The following LARP4 variants were observed in gnomAD, a reference collection of about 807,000 sequenced individuals.
LARP4 encodes the protein la-related protein 4.
LARP4 carries 29 observed loss-of-function variants against 92.9 expected under a neutral mutation model. The observed-to-expected ratio is 0.31, with a 90% CI of 0.23 to 0.43. The LOEUF (loss-of-function observed/expected upper bound fraction) is 0.43. Ranked by LOEUF, LARP4 falls within the 20% of genes least tolerant of loss-of-function variation. The pLI is 1.00. For synonymous variants in LARP4, 279 were observed against 284.1 expected, an observed-to-expected ratio of 0.98 and a Z score of 0.18; for missense variants, 732 against 860.0, an observed-to-expected ratio of 0.85 and a Z score of 1.86.
chr12:50,449,912 C>T (rs1261864024), intron 8 of LARP4, among the ~76,000 whole-genome samples: 8 of 140,628 alleles, frequency 5.7e-5, no homozygotes, highest in Admixed American at 2.2e-4. Flanking sequence ...TTTTGTTATA[C>T]AGCCATAGCA....
At chr12:50,404,606 G>A (rs114135086) in intron 1 of LARP4, among the ~76,000 whole-genome samples, 1,548 of 151,502 alleles carry the variant, frequency 0.01, 25 homozygotes, top group African/African-American at 0.035. Context: ...TTGAGACCGA[G>A]TCTCGCTCTG....
intron 15 of LARP4, among the ~76,000 whole-genome samples, chr12:50,474,386 C>T (rs532295125): frequency 1.3e-5 from 2 of 152,126 alleles, no homozygotes; most frequent in East Asian, 3.9e-4. Context: ...TTCACTCTGT[C>T]GCCCAGGCTG....
intron 4 of LARP4, among the ~76,000 whole-genome samples, chr12:50,431,714 T>G (rs1949684830): frequency 6.6e-6 from 1 of 151,870 alleles, no homozygotes; most frequent in Admixed American, 6.6e-5. Flanking sequence ...GGTGTGGTGG[T>G]GGGCGCCTGT....
intron 6 of LARP4, among the ~76,000 whole-genome samples, chr12:50,438,187 A>G (rs1218684873): frequency 6.6e-6 from 1 of 152,208 alleles, no homozygotes; most frequent in Non-Finnish European, 1.5e-5. Flanking sequence ...ATGAAAAACT[A>G]GATTTTGATT....
intron 7 of LARP4, among the ~76,000 whole-genome samples, chr12:50,440,945 G>A (rs1200827794): frequency 6.0e-5 from 9 of 150,104 alleles, no homozygotes; most frequent in Non-Finnish European, 1.0e-4. Flanking sequence ...GTGCAGTGGC[G>A]CAATCTCGGC....
At chr12:50,404,907 C>T (rs760050588) in intron 1 of LARP4, among the ~76,000 whole-genome samples, 1 of 151,930 alleles carries the variant, frequency 6.6e-6, no homozygotes, top group Non-Finnish European at 1.5e-5. Flanking sequence ...CCAGGATGGT[C>T]TCGGTCTCTT....
intron 10 of LARP4, among the ~76,000 whole-genome samples, chr12:50,458,730 T>C (rs917277868): frequency 6.6e-6 from 1 of 152,240 alleles, no homozygotes; most frequent in Non-Finnish European, 1.5e-5. Context: ...GTGTTTTTGC[T>C]ACTGATTAAA....
chr12:50,444,180 A>G (rs1449022396), intron 8 of LARP4, among the ~76,000 whole-genome samples: 1 of 151,858 alleles, frequency 6.6e-6, no homozygotes, highest in Non-Finnish European at 1.5e-5. Flanking sequence ...ACTATTATGT[A>G]TTTCATTGTT....
In LARP4 at chr12:50,427,812, A is replaced by G. The variant is rs564064932; in HGVS notation, c.69A>G (p.Gln23=). ...TGLNPNAKVW[Q]EIAPGNTDAT... Reference sequence around the variant, plus strand: ...TAAATCCTAATGCCAAAGTATGGCAAGAAATTGCTCCTGGAAATACTGATG... The same window carrying G: ...TAAATCCTAATGCCAAAGTATGGCAGGAAATTGCTCCTGGAAATACTGATG... Residue 23 remains glutamine (Q), a synonymous_variant, in exon 2 of 16, where the codon CAA becomes CAG. Transcript: ENST00000398473. The G allele has an allele frequency of 6.2e-7, 1 of 1,600,412 alleles. No homozygotes were observed. The highest frequency in any genetic ancestry group is 8.5e-7 in the Non-Finnish European group (1 of 1,170,768).
intron 8 of LARP4, among the ~76,000 whole-genome samples, chr12:50,448,331 T>C (rs1952570896): frequency 6.6e-6 from 1 of 152,230 alleles, no homozygotes; most frequent in Admixed American, 6.5e-5. Context: ...CACTGCCATC[T>C]ATCTCCAGAA....
rs1954273588 is a variant in LARP4, at chr12:50,456,510, T to C, written c.1121+2093T>C. On this transcript the variant is annotated intron_variant, in intron 10 of 15. Transcript: ENST00000398473. ...AGGCATTTATTATTATTATTAATGT[T>C]AACAGCTAAGGACAAAGTCTTTTTT... 2.0e-5 allele frequency among the ~76,000 whole-genome samples: 3 copies of C among 152,202 alleles called. No individual in the cohort carries two copies. In the South Asian group the frequency reaches 6.2e-4, roughly 31 times the overall value.
At chr12:50,402,121 G>A (rs1332751651) in intron 1 of LARP4, among the ~76,000 whole-genome samples, 1 of 152,076 alleles carries the variant, frequency 6.6e-6, no homozygotes, top group Non-Finnish European at 1.5e-5. Context: ...GCCTATGGCA[G>A]ATTTTTTTTT....
chr12:50,430,492 C>A lies in LARP4; in HGVS notation c.323-3C>A. On this transcript the variant is annotated splice_polypyrimidine_tract_variant and splice_region_variant and intron_variant, in intron 3 of 15. Transcript: ENST00000398473. ...TTTTTTCCCTCTTCTTTTCTACCAT[C>A]AGGAGAAAGCAATTCAGCAGTTTCT... The A allele has an allele frequency of 6.4e-7, 1 of 1,571,308 alleles. No homozygotes were observed. The highest frequency in any genetic ancestry group is 1.7e-5 in the Admixed American group (1 of 57,482).
At chr12:50,467,414 C>T (rs1956287429) in intron 13 of LARP4, among the ~76,000 whole-genome samples, 1 of 151,936 alleles carries the variant, frequency 6.6e-6, no homozygotes, top group Non-Finnish European at 1.5e-5. Flanking sequence ...CCTCAGCCTC[C>T]CAAGTAGCTG....
rs527672476 is a variant in LARP4 at position 50,413,624 on chromosome 12, A to G, written c.18+12596A>G. 6.6e-5 allele frequency among the ~76,000 whole-genome samples: 10 copies of G among 152,280 alleles called. No individual in the cohort carries two copies. In the East Asian group the frequency reaches 9.7e-4, roughly 15 times the overall value. ...CACACCTAGGCTATATGGTATGGCT[A>G]TTATAATCTTATGGGACCACTGTTG... On this transcript the variant is annotated intron_variant, in intron 1 of 15. Transcript: ENST00000398473.
At position 50,431,706 on chromosome 12, in the gene LARP4, TGTG is replaced by T. The variant is rs376313335; in HGVS notation, c.398+1144_398+1146del. On this transcript the variant is annotated intron_variant, in intron 4 of 15. Transcript: ENST00000398473. Reference sequence around the variant, plus strand: ...ATAAAAAATACAAAAATTAGCCAGGTGTGGTGGTGGGCGCCTGTAATCCCAGCT... The same window carrying T: ...ATAAAAAATACAAAAATTAGCCAGGTGTGGTGGGCGCCTGTAATCCCAGCT... Among the ~76,000 whole-genome samples, 819 of 151,534 alleles carry T rather than the reference TGTG, an allele frequency of 5.4e-3. 9 individuals are homozygous for T. The highest frequency in any genetic ancestry group is 0.019 in the African/African-American group (781 of 41,330).
At position 50,432,552 on chromosome 12, in the gene LARP4, A is replaced by T. The variant is rs547291638; in HGVS notation, c.398+1982A>T. Among the ~76,000 whole-genome samples, 10 of 152,100 alleles carry T rather than the reference A, an allele frequency of 6.6e-5. No individual in the cohort carries two copies. In the East Asian group the frequency reaches 1.9e-3, roughly 29 times the overall value. The stretch of plus-strand genomic sequence containing the variant: ...TTAGCTCTTTAACTTCCTACCCCAT[A>T]CTGCTTGAAAATCTGGCAGTGTCTT... On this transcript the variant is annotated intron_variant, in intron 4 of 15. Coordinates refer to ENST00000398473, the MANE Select transcript of LARP4 (RefSeq NM_052879.5).
At chr12:50,435,720 T>A in intron 5 of LARP4, 96 bp downstream of exon 5, 1 of 826,904 alleles carries the variant, frequency 1.2e-6, no homozygotes, top group Non-Finnish European at 1.9e-6. Flanking sequence ...TACTGCCCCC[T>A]CCCCACACCC....
chr12:50,443,736 G>T (rs544836594), intron 8 of LARP4, among the ~76,000 whole-genome samples: 1 of 151,976 alleles, frequency 6.6e-6, no homozygotes, highest in Non-Finnish European at 1.5e-5. Context: ...CTCAGCCTCC[G>T]GCGTAGCTGG....
Sources: gnomAD v4.1 joint callset for allele counts (sites outside exome capture counted in the v4.1 genomes callset) on GRCh38, gnomAD v4.1.1 for gene constraint, MANE v1.5 for transcripts, NCBI Gene and HGNC (gene_info 2026-07-23, HGNC 2026-07-21) for gene names.